CPSF3: variants seen among roughly 807,000 people sequenced by gnomAD.
CPSF3 encodes the protein cleavage and polyadenylation specificity factor subunit 3.
In CPSF3, 57 loss-of-function variants were observed where a neutral mutation model predicts 84.1. The ratio of observed to expected loss-of-function variants is 0.68; its 90% CI spans 0.55 to 0.85. The LOEUF is 0.85. Ranked by LOEUF, CPSF3 falls within the 40% of genes least tolerant of loss-of-function variation. CPSF3 has a pLI of 0.00. For synonymous variants in CPSF3, 275 were observed against 278.1 expected, an observed-to-expected ratio of 0.99 and a Z score of 0.11; for missense variants, 522 against 838.8, an observed-to-expected ratio of 0.62 and a Z score of 4.66.
chr2:9,466,766 T>C (rs539761900), intron 15 of CPSF3, among the ~76,000 whole-genome samples: 1 of 152,356 alleles, frequency 6.6e-6, no homozygotes, highest in South Asian at 2.1e-4. Context: ...ATACAATATA[T>C]AGCCTTTGAT....
At chr2:9,457,373 C>A (rs1681570381) in intron 14 of CPSF3, among the ~76,000 whole-genome samples, 1 of 151,974 alleles carries the variant, frequency 6.6e-6, no homozygotes, top group South Asian at 2.1e-4. Flanking sequence ...GAAGGTTTTA[C>A]AATTCTTAAG....
chr2:9,426,125 A>G (rs1047902175), intron 1 of CPSF3, among the ~76,000 whole-genome samples: 3 of 152,232 alleles, frequency 2.0e-5, no homozygotes, highest in African/African-American at 7.2e-5. Context: ...TACTGTAGCA[A>G]TACAGCAGTG....
intron 9 of CPSF3, 72 bp downstream of exon 9, chr2:9,442,048 T>G: frequency 1.3e-6 from 2 of 1,495,812 alleles, no homozygotes; most frequent in Non-Finnish European, 1.8e-6. Flanking sequence ...CTCACAGGTT[T>G]TTGCACTGAA....
chr2:9,467,879 C>CA (rs1682030249), intron 16 of CPSF3, 103 bp downstream of exon 16: 1 of 864,338 alleles, frequency 1.2e-6, no homozygotes, highest in South Asian at 1.5e-5. Flanking sequence ...TGGCTCTGGC[C>CA]AGGCCACTGC....
Position 9,471,368 on chromosome 2 carries a change from AG to A in CPSF3, c.1883del (p.Ser628MetfsTer2). 7 of 1,611,640 alleles carry A rather than the reference AG, an allele frequency of 4.3e-6. No homozygotes were observed. The highest frequency in any genetic ancestry group is 5.9e-6 in the Non-Finnish European group (7 of 1,177,788). On this transcript the variant is annotated frameshift_variant, in exon 17 of 18. Coordinates refer to ENST00000238112, the MANE Select transcript of CPSF3 (RefSeq NM_016207.4). LOFTEE classifies it high-confidence loss of function. ...GGACATATTTGGAGAAGACTGTGTA[AG>A]TGTAAAGGATGACTCTATTCTTAGC... ...LQDIFGEDCV[S>X]VKDDSILSVT...
chr2:9,471,259 T>G (rs1682152707), intron 16 of CPSF3, 84 bp from the exon 17 acceptor site: 1 of 820,386 alleles, frequency 1.2e-6, no homozygotes, highest in African/African-American at 1.7e-5. Flanking sequence ...GCTTTAGAAC[T>G]AGGACCTATC....
Position 9,429,865 on chromosome 2 carries a change from C to T in CPSF3, c.115-58C>T, listed in dbSNP as rs138365236. 61 of 1,190,452 alleles carry T rather than the reference C, an allele frequency of 5.1e-5. No individual in the cohort carries two copies. In the African/African-American group the frequency reaches 7.6e-4, roughly 15 times the overall value. The allele number at this position is 1,190,452 out of a possible 1,614,324, so 73.7% of individuals were successfully genotyped here. ...GGAACTAGAATTATTGCCTATTTGC[C>T]GAATGAATTTTAATAAAATGTGCAG... is the stretch of plus-strand genomic sequence containing the variant. On this transcript the variant is annotated intron_variant, in intron 2 of 17. Transcript: ENST00000238112.
chr2:9,444,944 G>A (rs565504118), intron 10 of CPSF3, among the ~76,000 whole-genome samples: 1 of 152,250 alleles, frequency 6.6e-6, no homozygotes, highest in African/African-American at 2.4e-5. Context: ...AGGATTACAG[G>A]CATGAGCCAC....
chr2:9,441,634 C>A, intron 8 of CPSF3, 184 bp from the exon 9 acceptor site: 7 of 606,944 alleles, frequency 1.2e-5, no homozygotes, highest in South Asian at 2.3e-5. Context: ...CTTGGTTTTT[C>A]TACCATTCCT....
intron 7 of CPSF3, among the ~76,000 whole-genome samples, chr2:9,436,749 C>A (rs917349470): frequency 7.8e-5 from 11 of 141,878 alleles, no homozygotes; most frequent in Non-Finnish European, 1.6e-4. Flanking sequence ...CCAGCCTGGG[C>A]GACAGAGCGA....
intron 7 of CPSF3, among the ~76,000 whole-genome samples, chr2:9,437,051 G>A (rs1160084982): frequency 4.6e-5 from 7 of 152,072 alleles, no homozygotes; most frequent in Admixed American, 4.6e-4. Flanking sequence ...TTACAGATGA[G>A]TAATTACATA....
intron 15 of CPSF3, among the ~76,000 whole-genome samples, chr2:9,463,773 G>T (rs779437551): frequency 6.6e-6 from 1 of 152,184 alleles, no homozygotes; most frequent in Non-Finnish European, 1.5e-5. Context: ...CACCTAGCCC[G>T]CCTGCTTTGG....
intron 13 of CPSF3, among the ~76,000 whole-genome samples, chr2:9,456,205 GC>G (rs142786627): frequency 0.067 from 10,250 of 152,142 alleles, 1,180 homozygotes; most frequent in African/African-American, 0.23. Context: ...CTGGCCAAAG[GC>G]CAGTGAGAAA....
intron 10 of CPSF3, 31 bp from the exon 11 acceptor site, chr2:9,448,167 C>T (rs770650053): frequency 7.3e-7 from 1 of 1,362,280 alleles, no homozygotes. Flanking sequence ...ATGATGTTTC[C>T]ATATATTCTT....
intron 6 of CPSF3, among the ~76,000 whole-genome samples, chr2:9,434,480 C>G (rs571132309): frequency 9.9e-5 from 15 of 152,170 alleles, no homozygotes; most frequent in African/African-American, 3.6e-4. Context: ...TGCCTCTGGG[C>G]AGGATCAGCA....
intron 2 of CPSF3, 119 bp downstream of exon 2, chr2:9,428,947 C>A: frequency 1.5e-6 from 1 of 654,092 alleles, no homozygotes; most frequent in Non-Finnish European, 2.8e-6. Context: ...TACATGTAAT[C>A]TATGCTGTAT....
At position 9,443,666 on chromosome 2, in the gene CPSF3, G is replaced by A; in HGVS notation, c.1242+5G>A. On this transcript the variant is annotated splice_donor_5th_base_variant and intron_variant, in intron 10 of 17. Coordinates refer to ENST00000238112, the MANE Select transcript of CPSF3 (RefSeq NM_016207.4). ...GCTTTGAAACCGCCTCATGTGGTTA[G>A]TCTATGAATTTCATTTATTGTATTA... 1 of 1,612,920 alleles carries A rather than the reference G, an allele frequency of 6.2e-7. No individual in the cohort carries two copies. Among genetic ancestry groups the A allele is most frequent in the Non-Finnish European group, 8.5e-7 (1 of 1,179,504 alleles).
At position 9,443,766 on chromosome 2, in the gene CPSF3, C is replaced by T. The variant is rs764553318; in HGVS notation, c.1242+105C>T. 84 of 1,220,124 alleles carry T rather than the reference C, an allele frequency of 6.9e-5. 1 individual carries two copies. Among genetic ancestry groups the T allele is most frequent in the Admixed American group, 3.4e-4 (17 of 50,264 alleles). The allele number at this position is 1,220,124 out of a possible 1,614,324, so 75.6% of individuals were successfully genotyped here. A position where few individuals can be genotyped will look rare whatever the true frequency, so the allele number is the denominator to read the frequency against. ...AAGCAGGCATCATCACCTACTAATGCGACACCCCCTGAGCAGAGCCTTTCA... is the reference window on the plus strand; with the variant it reads ...AAGCAGGCATCATCACCTACTAATGTGACACCCCCTGAGCAGAGCCTTTCA... On this transcript the variant is annotated intron_variant, in intron 10 of 17. Coordinates refer to ENST00000238112, the MANE Select transcript of CPSF3 (RefSeq NM_016207.4).
intron 10 of CPSF3, among the ~76,000 whole-genome samples, chr2:9,446,763 A>AG (rs796276221): frequency 6.6e-6 from 1 of 151,664 alleles, no homozygotes; most frequent in African/African-American, 2.4e-5. Flanking sequence ...TCAAAAAAAA[A>AG]AGAACAATCT....
Sources: allele counts gnomAD v4.1 joint callset (sites outside exome capture counted in the v4.1 genomes callset), GRCh38; gene constraint gnomAD v4.1.1; transcripts MANE v1.5; gene names NCBI Gene and HGNC (gene_info 2026-07-23, HGNC 2026-07-21).